The following DDX43 variants were observed in gnomAD, a reference collection of about 807,000 sequenced individuals.
DDX43 encodes DEAD-box helicase 43.
DDX43 carries 50 observed loss-of-function variants against 84.9 expected under a neutral mutation model. The observed-to-expected ratio is 0.59, with a 90% CI of 0.47 to 0.75. The LOEUF is 0.75. Among genes scored for constraint, DDX43 ranks in the 30% least tolerant of loss-of-function variants. DDX43 has a pLI of 0.00. For synonymous variants in DDX43, 291 were observed against 266.3 expected (o/e 1.09, Z -0.90); for missense variants, 689 against 798.6 (o/e 0.86, Z 1.65).
At position 73,412,668 on chromosome 6, in the gene DDX43, T is replaced by TGTGCGTGCGCGC. The variant is rs538597626; in HGVS notation, c.1368+377_1368+378insTGCGTGCGCGCG. 2.8e-5 allele frequency among the ~76,000 whole-genome samples: 3 copies of TGTGCGTGCGCGC among 108,464 alleles called. No individual in the cohort carries two copies. The East Asian group carries it at 8.6e-4, about 31-fold the overall frequency. 71.2% of individuals were successfully genotyped at this position (108,464 alleles called of 152,430 possible). The stretch of plus-strand genomic sequence containing the variant: ...GTGTGTGTGTGTGTGTGTGTGTGTG[T>TGTGCGTGCGCGC]GCGCGCGCGCGTGTGTGTGTGTGCG... On this transcript the variant is annotated intron_variant, in intron 11 of 16. Coordinates refer to ENST00000370336, the MANE Select transcript of DDX43 (RefSeq NM_018665.3).
intron 10 of DDX43, among the ~76,000 whole-genome samples, chr6:73,410,349 C>T (rs1007431060): frequency 1.3e-5 from 2 of 151,820 alleles, no homozygotes; most frequent in African/African-American, 4.8e-5. Flanking sequence ...GTATTTTTAC[C>T]GATGGGGTTT....
rs1769900593 is a variant in DDX43 at position 73,416,390 on chromosome 6, CCTT to C, written c.*25+142_*25+144del. ...GTGTTACTCATATCTATTACTTAATCCTTCTGGGTATACATGGAAAAGAATGAA... is the reference window on the plus strand; with the variant it reads ...GTGTTACTCATATCTATTACTTAATCCTGGGTATACATGGAAAAGAATGAA... On this transcript the variant is annotated intron_variant, in intron 16 of 16. Transcript: ENST00000370336. The C allele has an allele frequency of 2.9e-5, 15 of 521,180 alleles. No individual in the cohort carries two copies. The South Asian group carries it at 3.8e-4, about 13-fold the overall frequency. The allele number at this position is 521,180 out of a possible 1,614,324, so 32.3% of individuals were successfully genotyped here.
chr6:73,398,028 T>C (rs906703331), intron 2 of DDX43: 5 of 225,586 alleles, frequency 2.2e-5, no homozygotes, highest in African/African-American at 9.1e-5. Context: ...GCCAGGCTGC[T>C]CTCAACTCCT....
At chr6:73,410,665 T>G (rs1769765828) in intron 10 of DDX43, among the ~76,000 whole-genome samples, 1 of 152,204 alleles carries the variant, frequency 6.6e-6, no homozygotes, top group Non-Finnish European at 1.5e-5. Context: ...CCATTTTGCC[T>G]CACTGCAGTC....
rs775951801 is a variant in DDX43, at chr6:73,406,357, G to A, written c.808-7G>A. 43 of 1,583,472 alleles carry A rather than the reference G, an allele frequency of 2.7e-5. No homozygotes were observed. The highest frequency in any genetic ancestry group is 6.7e-5 in the South Asian group (6 of 89,776). Reference sequence around the variant, plus strand: ...TTTTTGTGTTAATGTTTATCATTCCGTTTCAGTCACAGGCATGGCCCATTG... The same window carrying A: ...TTTTTGTGTTAATGTTTATCATTCCATTTCAGTCACAGGCATGGCCCATTG... On this transcript the variant is annotated splice_region_variant and splice_polypyrimidine_tract_variant and intron_variant, in intron 6 of 16. Transcript: ENST00000370336.
chr6:73,412,138 G>A, intron 10 of DDX43, 67 bp from the exon 11 acceptor site: 1 of 1,386,838 alleles, frequency 7.2e-7, no homozygotes, highest in Non-Finnish European at 1.0e-6. Flanking sequence ...TTGGTTCATA[G>A]CATGCTTAAG....
At chr6:73,407,773 A>G (rs1769711013) in intron 8 of DDX43, among the ~76,000 whole-genome samples, 158 bp downstream of exon 8, 2 of 152,194 alleles carry the variant, frequency 1.3e-5, no homozygotes, top group Non-Finnish European at 2.9e-5. Flanking sequence ...AGCCTGGGTC[A>G]GGTGATGGTA....
intron 11 of DDX43, among the ~76,000 whole-genome samples, chr6:73,412,668 T>TGCAC (rs1554236163): frequency 9.2e-6 from 1 of 108,396 alleles, no homozygotes; most frequent in Non-Finnish European, 1.8e-5. Context: ...TGTGTGTGTG[T>TGCAC]GCGCGCGCGC....
intron 10 of DDX43, 93 bp from the exon 11 acceptor site, chr6:73,412,112 G>T: frequency 9.6e-7 from 1 of 1,043,434 alleles, no homozygotes. Context: ...TACTAAATTT[G>T]TCTTTCATGA....
rs143091863 is a variant in DDX43 at position 73,395,008 on chromosome 6, T to C, written c.103T>C (p.Leu35=). 149 of 1,613,846 alleles carry C rather than the reference T, an allele frequency of 9.2e-5. No homozygotes were observed. The highest frequency in any genetic ancestry group is 4.9e-5 in the Non-Finnish European group (58 of 1,179,964). The change falls in exon 1 of 17, where the codon TTG becomes CTG. Residue 35 remains leucine (L), a synonymous_variant. Coordinates refer to ENST00000370336, the MANE Select transcript of DDX43 (RefSeq NM_018665.3). ...RAPERRPAEE[L]NRTGPEGYSV... is the part of the protein sequence containing the mutation. The stretch of plus-strand genomic sequence containing the variant: ...GCCAGAGAGGAGGCCGGCGGAGGAG[T>C]TGAATCGAACAGGTCCTGAGGGATA...
chr6:73,413,456 CA>C, intron 11 of DDX43: 1 of 425,910 alleles, frequency 2.3e-6, no homozygotes. Flanking sequence ...GGAATGGTAC[CA>C]ATAGTATTTT....
chr6:73,415,715 G>T, intron 15 of DDX43, 131 bp downstream of exon 15: 3 of 610,940 alleles, frequency 4.9e-6, no homozygotes, highest in Non-Finnish European at 8.3e-6. Context: ...CTTTAGCATG[G>T]CAGTGATAAG....
intron 6 of DDX43, 34 bp from the exon 7 acceptor site, chr6:73,406,330 A>T: frequency 6.7e-7 from 1 of 1,502,246 alleles, no homozygotes; most frequent in Non-Finnish European, 9.2e-7. Flanking sequence ...CAAAAGATGT[A>T]CTTTTTGTGT....
chr6:73,403,811 G>C (rs1008426791), intron 4 of DDX43, among the ~76,000 whole-genome samples: 1 of 150,564 alleles, frequency 6.6e-6, no homozygotes, highest in African/African-American at 2.4e-5. Flanking sequence ...CACCATGCCA[G>C]GCTAATTTTT....
At chr6:73,405,936 C>T in intron 6 of DDX43, 101 bp downstream of exon 6, 1 of 1,072,880 alleles carries the variant, frequency 9.3e-7, no homozygotes, top group Non-Finnish European at 1.3e-6. Context: ...CTTAGCATTC[C>T]ACCAGCACCT....
At position 73,412,216 on chromosome 6, in the gene DDX43, C is replaced by T. The variant is rs1769800657; in HGVS notation, c.1292C>T (p.Pro431Leu). 1.2e-6 allele frequency: 2 copies of T among 1,612,678 alleles called. No homozygotes were observed. The highest frequency in any genetic ancestry group is 1.7e-6 in the Non-Finnish European group (2 of 1,179,492). ...ACTTGTATTCCCAGTGCTACATGGC[C>T]TCATTCAGTTCATCGCCTCGCACAA... ...RQTVMTSATWPHSVHRLAQSY... is the reference protein window; with the variant it reads ...RQTVMTSATWLHSVHRLAQSY... Residue 431 changes from proline to leucine, a missense_variant, in exon 11 of 17, where the codon CCT becomes CTT. Pro to Leu is a moderately conservative substitution (Grantham distance 98). Around this residue, in one of 2 missense-constraint regions of DDX43, gnomAD observed 552 missense variants for 692.7 expected, o/e 0.80. Transcript: ENST00000370336.
Position 73,413,957 on chromosome 6 carries a change from T to A in DDX43, c.1497-13T>A, listed in dbSNP as rs1562286604. ...TAAGCACCTAAGAATGCTGAGTTTA[T>A]CTTTTGCTTCAGTGCGGATCACTTA... On this transcript the variant is annotated splice_polypyrimidine_tract_variant and intron_variant, in intron 12 of 16. Coordinates refer to ENST00000370336, the MANE Select transcript of DDX43 (RefSeq NM_018665.3). The A allele has an allele frequency of 1.3e-6, 2 of 1,586,868 alleles. No homozygotes were observed. The highest frequency in any genetic ancestry group is 1.7e-6 in the Non-Finnish European group (2 of 1,157,504).
At position 73,394,878 on chromosome 6, in the gene DDX43, G is replaced by A. The variant is rs1291360235; in HGVS notation, c.-28G>A. The A allele has an allele frequency of 1.9e-6, 3 of 1,610,852 alleles. No individual in the cohort carries two copies. In the Admixed American group the frequency reaches 5.0e-5, roughly 27 times the overall value. On this transcript the variant is annotated 5_prime_UTR_variant, in exon 1 of 17. Transcript: ENST00000370336. ...AGGTGGTGCAGAGCTGGACGGCAAC[G>A]ACGTCGGACGCGCCCCTTCTTGGAA...
chr6:73,404,121 CT>C (rs1172789215), intron 4 of DDX43, among the ~76,000 whole-genome samples: 2 of 143,978 alleles, frequency 1.4e-5, no homozygotes, highest in Admixed American at 7.0e-5. Context: ...CCGCCGGCCC[CT>C]TTTTTTTTCT....
Sources: allele counts gnomAD v4.1 joint callset (sites outside exome capture counted in the v4.1 genomes callset), GRCh38; gene constraint gnomAD v4.1.1; regional missense constraint gnomAD v4.1.1; transcripts MANE v1.5; gene names NCBI Gene and HGNC (gene_info 2026-07-23, HGNC 2026-07-21).